Variants in SELENOF observed in about 807,000 individuals in gnomAD.
The protein encoded by SELENOF is 15 kDa selenoprotein.
SELENOF carries 16 observed loss-of-function variants against 20.5 expected under a neutral mutation model. That is an observed-to-expected ratio of 0.78 (90% confidence interval 0.53 to 1.19). The LOEUF is 1.19. SELENOF is among the 50% of genes most tolerant of loss of function. SELENOF has a pLI of 0.00. For missense variants in SELENOF, 215 were observed against 194.2 expected (o/e 1.11, Z -0.64); for synonymous variants, 78 against 74.5 (o/e 1.05, Z -0.24).
chr1:86,884,028 TTTG>T (rs1659145612), intron 2 of SELENOF, among the ~76,000 whole-genome samples: 1 of 152,330 alleles, frequency 6.6e-6, no homozygotes, highest in Admixed American at 6.5e-5. Context: ...TTCACAGAAC[TTTG>T]TTCTCATCAT....
chr1:86,887,327 A>C, intron 2 of SELENOF: 1 of 1,047,092 alleles, frequency 9.6e-7, no homozygotes, highest in Non-Finnish European at 1.3e-6. Context: ...ATTCTGAAAA[A>C]ATACAAAGCA....
chr1:86,880,455 A>T (rs1659038660), intron 3 of SELENOF, among the ~76,000 whole-genome samples: 1 of 152,174 alleles, frequency 6.6e-6, no homozygotes, highest in South Asian at 2.1e-4. Flanking sequence ...TCTAAATTTC[A>T]TATATTGTGT....
intron 2 of SELENOF, among the ~76,000 whole-genome samples, chr1:86,888,078 T>C (rs1192714321): frequency 3.3e-5 from 5 of 152,030 alleles, no homozygotes; most frequent in South Asian, 2.1e-4. Context: ...CTGGCCAACA[T>C]GGTGAAACCC....
At chr1:86,877,936 A>C (rs1465580406) in intron 3 of SELENOF, among the ~76,000 whole-genome samples, 1 of 152,210 alleles carries the variant, frequency 6.6e-6, no homozygotes, top group Non-Finnish European at 1.5e-5. Context: ...CCCATACAAA[A>C]TTAGGGACAA....
chr1:86,897,823 T>C (rs946734545), intron 2 of SELENOF, among the ~76,000 whole-genome samples: 3 of 152,216 alleles, frequency 2.0e-5, no homozygotes, highest in African/African-American at 7.2e-5. Context: ...AGCCTGTCAG[T>C]CTCCAATTTT....
intron 2 of SELENOF, among the ~76,000 whole-genome samples, chr1:86,899,968 G>T (rs1172644312): frequency 2.0e-5 from 3 of 151,630 alleles, no homozygotes; most frequent in South Asian, 2.1e-4. Context: ...GGGCAAAGGT[G>T]CTCCCCACAT....
At chr1:86,897,168 G>T (rs895190342) in intron 2 of SELENOF, among the ~76,000 whole-genome samples, 1 of 151,956 alleles carries the variant, frequency 6.6e-6, no homozygotes, top group Non-Finnish European at 1.5e-5. Flanking sequence ...TTAGCTGGGC[G>T]TGGTGGCGGG....
intron 2 of SELENOF, among the ~76,000 whole-genome samples, chr1:86,893,853 T>C (rs932397266): frequency 2.6e-5 from 4 of 152,186 alleles, no homozygotes; most frequent in Admixed American, 6.5e-5. Flanking sequence ...TAGTTCCAAC[T>C]AGGAAATGGG....
intron 1 of SELENOF, among the ~76,000 whole-genome samples, chr1:86,906,775 A>T (rs1659838089): frequency 6.6e-6 from 1 of 152,226 alleles, no homozygotes; most frequent in Non-Finnish European, 1.5e-5. Context: ...AGAACAGACA[A>T]GCCATCCCTG....
At chr1:86,901,745 G>C (rs1659710908) in intron 2 of SELENOF, among the ~76,000 whole-genome samples, 1 of 152,108 alleles carries the variant, frequency 6.6e-6, no homozygotes, top group Non-Finnish European at 1.5e-5. Flanking sequence ...GTGCAAGTTT[G>C]GTTCTACTAA....
intron 3 of SELENOF, among the ~76,000 whole-genome samples, chr1:86,870,560 A>G (rs1464405090): frequency 1.3e-5 from 2 of 152,194 alleles, no homozygotes; most frequent in Non-Finnish European, 1.5e-5. Flanking sequence ...CTATTTTTAT[A>G]CATATATTTT....
intron 3 of SELENOF, among the ~76,000 whole-genome samples, chr1:86,874,420 A>ATG (rs1251462477): frequency 6.6e-6 from 1 of 152,220 alleles, no homozygotes; most frequent in Non-Finnish European, 1.5e-5. Context: ...GACAGATTAA[A>ATG]TGTTTCAGTT....
chr1:86,910,598 G>T (rs1185384274), intron 1 of SELENOF, among the ~76,000 whole-genome samples: 1 of 152,048 alleles, frequency 6.6e-6, no homozygotes, highest in Non-Finnish European at 1.5e-5. Context: ...CAGCTACTTG[G>T]GAGGCTGAGG....
chr1:86,895,434 T>C (rs960949851), intron 2 of SELENOF, among the ~76,000 whole-genome samples: 1 of 152,228 alleles, frequency 6.6e-6, no homozygotes, highest in African/African-American at 2.4e-5. Flanking sequence ...ACTTGTTATA[T>C]GCTAGACACA....
intron 1 of SELENOF, chr1:86,913,814 A>G (rs558309119): frequency 1.7e-6 from 1 of 586,578 alleles, no homozygotes; most frequent in Non-Finnish European, 3.1e-6. Context: ...ACCCAAGACA[A>G]TCTGAAATCA....
chr1:86,914,276 A>G (rs1024292305), upstream of SELENOF: 6 of 638,834 alleles, frequency 9.4e-6, no homozygotes, highest in Non-Finnish European at 1.4e-5. Flanking sequence ...ATCAAATACA[A>G]TCACTGGGTG....
At chr1:86,901,120 T>G (rs755432321) in intron 2 of SELENOF, among the ~76,000 whole-genome samples, 1 of 152,344 alleles carries the variant, frequency 6.6e-6, no homozygotes, top group Non-Finnish European at 1.5e-5. Flanking sequence ...ATATTTTTAA[T>G]GTAAGGCACT....
intron 3 of SELENOF, among the ~76,000 whole-genome samples, chr1:86,871,185 A>G (rs1246137023): frequency 1.3e-5 from 2 of 152,220 alleles, no homozygotes; most frequent in Admixed American, 6.5e-5. Context: ...TGAGAATATG[A>G]GGAAACTGAG....
At position 86,887,234 on chromosome 1, in the gene SELENOF, TAACA is replaced by T. The variant is rs763224470; in HGVS notation, c.253-6513_253-6510del. On this transcript the variant is annotated intron_variant, in intron 2 of 4. Coordinates refer to ENST00000331835, the MANE Select transcript of SELENOF (RefSeq NM_004261.5). ...GGAAAAAAAATCAGCGTTATAATTTTAACAAACAAAGCTGGCAAATATAATTCTC... is the reference window on the plus strand; with the variant it reads ...GGAAAAAAAATCAGCGTTATAATTTTAACAAAGCTGGCAAATATAATTCTC... The T allele has an allele frequency of 3.5e-4, 536 of 1,527,280 alleles. 1 individual carries two copies. The highest frequency in any genetic ancestry group is 1.7e-4 in the Middle Eastern group (1 of 5,852). The allele number at this position is 1,527,280 out of a possible 1,614,324, so 94.6% of individuals were successfully genotyped here. A position where few individuals can be genotyped will look rare whatever the true frequency, so the allele number is the denominator to read the frequency against.
Sources: gnomAD v4.1 joint callset for allele counts (sites outside exome capture counted in the v4.1 genomes callset) on GRCh38, gnomAD v4.1.1 for gene constraint, MANE v1.5 for transcripts, NCBI Gene and HGNC (gene_info 2026-07-23, HGNC 2026-07-21) for gene names.